Variants in MRTFB observed in about 807,000 individuals in gnomAD.
MRTFB encodes the protein myocardin-related transcription factor B.
MRTFB carries 29 observed loss-of-function variants against 104.2 expected under a neutral mutation model. The ratio of observed to expected loss-of-function variants is 0.28; its 90% CI spans 0.21 to 0.38. The LOEUF (loss-of-function observed/expected upper bound fraction) is 0.38, where lower values mean the gene tolerates loss of function less well. Ranked by LOEUF, MRTFB falls within the 10% of genes least tolerant of loss-of-function variation. The pLI, the probability that MRTFB is intolerant of heterozygous loss-of-function variation, is 1.00. For missense variants in MRTFB, 1,270 were observed against 1,341.6 expected (o/e 0.95, Z 0.83); for synonymous variants, 535 against 519.5 (o/e 1.03, Z -0.41).
At chr16:14,086,028 T>A (rs982492667) in intron 2 of MRTFB, among the ~76,000 whole-genome samples, 1 of 152,220 alleles carries the variant, frequency 6.6e-6, no homozygotes. Flanking sequence ...AAGTTTTTCA[T>A]AGTTATGTTA....
At chr16:14,148,601 C>T (rs1051297569) in intron 3 of MRTFB, 1 of 152,622 alleles carries the variant, frequency 6.6e-6, no homozygotes, top group African/African-American at 2.4e-5. Flanking sequence ...GTTTTTCTGA[C>T]TCCTTTACAT....
intron 3 of MRTFB, among the ~76,000 whole-genome samples, chr16:14,188,732 A>G (rs2151042902): frequency 6.6e-6 from 1 of 152,332 alleles, no homozygotes; most frequent in South Asian, 2.1e-4. Context: ...CCTCATTTGT[A>G]CAATGAGGAG....
chr16:14,059,789 T>C, the MRTFB span, among the ~76,000 whole-genome samples: 24 of 152,106 alleles, frequency 1.6e-4, no homozygotes, highest in African/African-American at 5.3e-4. Flanking sequence ...GGCTAGAAGA[T>C]AGGGTCCAAG....
intron 8 of MRTFB, among the ~76,000 whole-genome samples, chr16:14,219,714 A>G (rs2041598572): frequency 1.3e-5 from 2 of 152,206 alleles, no homozygotes. Context: ...TTGATTTGTT[A>G]GGAGCTATGT....
At chr16:14,149,663 A>G (rs2038513916) in intron 3 of MRTFB, 1 of 152,232 alleles carries the variant, frequency 6.6e-6, no homozygotes, top group Admixed American at 6.5e-5. Flanking sequence ...TTGAATGATC[A>G]TTGTGCCTCT....
At position 14,223,803 on chromosome 16, in the gene MRTFB, G is replaced by GAAAT. The variant is rs767210653; in HGVS notation, c.693+4808_693+4811dup. 7.9e-5 allele frequency among the ~76,000 whole-genome samples: 12 copies of GAAAT among 152,282 alleles called. No homozygotes were observed. In the East Asian group the frequency reaches 2.3e-3, roughly 29 times the overall value. On this transcript the variant is annotated intron_variant, in intron 8 of 16. Transcript: ENST00000571589. ...GAAAGGGGCAAATACAGTAATTAAA[G>GAAAT]AAATAATGGCCCAAAACTTCACAAA... is the stretch of plus-strand genomic sequence containing the variant.
chr16:14,185,922 A>AC (rs1273171950), intron 3 of MRTFB, among the ~76,000 whole-genome samples: 2 of 152,238 alleles, frequency 1.3e-5, no homozygotes, highest in African/African-American at 4.8e-5. Context: ...TATGCAGTGA[A>AC]CAGCAGCCTG....
intron 2 of MRTFB, among the ~76,000 whole-genome samples, chr16:14,088,661 C>G (rs1402548458): frequency 6.6e-6 from 1 of 152,172 alleles, no homozygotes; most frequent in Non-Finnish European, 1.5e-5. Flanking sequence ...TTCAATACAG[C>G]AGAGACTTGT....
In MRTFB at chr16:14,218,329, G is replaced by A. The variant is rs577876866; in HGVS notation, c.515-491G>A. Among the ~76,000 whole-genome samples, 10 of 152,228 alleles carry A rather than the reference G, an allele frequency of 6.6e-5. No individual in the cohort carries two copies. The South Asian group carries it at 1.7e-3, about 25-fold the overall frequency. ...CCGCCTCAGCCTCCCAAAGTGCTGC[G>A]ATTACAGGCGTGAGCCACCGCACCC... On this transcript the variant is annotated intron_variant, in intron 7 of 16. Transcript: ENST00000571589.
intron 3 of MRTFB, chr16:14,170,254 C>G (rs533407940): frequency 6.6e-6 from 1 of 152,354 alleles, no homozygotes; most frequent in East Asian, 1.9e-4. Flanking sequence ...GCCAGGAGCT[C>G]GAGACCAGCC....
At chr16:14,083,152 A>T (rs2034509051) in intron 2 of MRTFB, among the ~76,000 whole-genome samples, 1 of 150,614 alleles carries the variant, frequency 6.6e-6, no homozygotes, top group Non-Finnish European at 1.5e-5. Flanking sequence ...TTTTTTTCAG[A>T]TAGTTCGTTG....
chr16:14,029,420 AT>A, the MRTFB span, among the ~76,000 whole-genome samples: 3,108 of 41,430 alleles, frequency 0.075, 44 homozygotes, highest in Middle Eastern at 0.14. Context: ...AAAAAAAAAA[AT>A]ATATATATAT....
chr16:14,040,355 G>A, the MRTFB span, among the ~76,000 whole-genome samples: 1 of 152,124 alleles, frequency 6.6e-6, no homozygotes, highest in South Asian at 2.1e-4. Context: ...TAGAATACAT[G>A]TATTTTATGT....
At chr16:14,259,987 C>T (rs1418256200) in intron 16 of MRTFB, among the ~76,000 whole-genome samples, 2 of 152,136 alleles carry the variant, frequency 1.3e-5, no homozygotes, top group Non-Finnish European at 2.9e-5. Context: ...ATTTATTTTT[C>T]CTAGTGTATC....
At chr16:14,045,159 G>A in the MRTFB span, among the ~76,000 whole-genome samples, 135,612 of 151,836 alleles carry the variant, frequency 0.89, 60,686 homozygotes, top group East Asian at 0.99. Context: ...AGATCCCTCC[G>A]TAGGCTACCT....
chr16:14,235,774 CAG>C (rs1315785332), intron 9 of MRTFB, among the ~76,000 whole-genome samples: 1 of 152,230 alleles, frequency 6.6e-6, no homozygotes, highest in Non-Finnish European at 1.5e-5. Context: ...GCCTTCCTGA[CAG>C]TGGCTGGGAC....
chr16:14,138,460 A>G (rs1444775985), intron 2 of MRTFB, among the ~76,000 whole-genome samples: 1 of 152,150 alleles, frequency 6.6e-6, no homozygotes, highest in Admixed American at 6.5e-5. Flanking sequence ...GGATATTTCC[A>G]TTGGATATGT....
intron 2 of MRTFB, among the ~76,000 whole-genome samples, chr16:14,096,199 G>A (rs765679532): frequency 7.9e-5 from 12 of 151,906 alleles, no homozygotes; most frequent in Non-Finnish European, 7.4e-5. Flanking sequence ...TCAGCCTTCC[G>A]GGTAGCTGGG....
At chr16:14,163,316 C>G (rs1291277613) in intron 3 of MRTFB, among the ~76,000 whole-genome samples, 1 of 152,092 alleles carries the variant, frequency 6.6e-6, no homozygotes, top group East Asian at 1.9e-4. Flanking sequence ...GATTCAGTTT[C>G]TCATGTAAGG....
Sources: allele counts gnomAD v4.1 joint callset (sites outside exome capture counted in the v4.1 genomes callset), GRCh38; gene constraint gnomAD v4.1.1; transcripts MANE v1.5; gene names NCBI Gene and HGNC (gene_info 2026-07-23, HGNC 2026-07-21).